Variants in ROBO1 observed in about 807,000 individuals in gnomAD.
The protein encoded by ROBO1 is roundabout guidance receptor 1, also known as roundabout homolog 1.
Under a neutral mutation model 195.9 loss-of-function variants are expected in ROBO1, and 149 were observed. The observed-to-expected ratio is 0.76, with a 90% CI of 0.67 to 0.87. The LOEUF (loss-of-function observed/expected upper bound fraction) is 0.87. ROBO1 is among the 40% of genes least tolerant of loss of function. The pLI, the probability that ROBO1 is intolerant of heterozygous loss-of-function variation, is 0.00. For missense variants in ROBO1, 1,933 were observed against 2,068.3 expected (o/e 0.93, Z 1.27); for synonymous variants, 816 against 733.2 (o/e 1.11, Z -1.82).
intron 3 of ROBO1, among the ~76,000 whole-genome samples, chr3:79,000,651 T>C (rs541308536): frequency 1.9e-4 from 29 of 152,208 alleles, no homozygotes; most frequent in Middle Eastern, 6.8e-3. Context: ...TGTGGAGAAA[T>C]AGGAACACTT....
intron 1 of ROBO1, among the ~76,000 whole-genome samples, chr3:79,603,689 C>T (rs1944403918): frequency 6.6e-6 from 1 of 151,926 alleles, no homozygotes; most frequent in Non-Finnish European, 1.5e-5. Context: ...GTAAATACAT[C>T]ATTTGTTTTG....
At chr3:78,806,034 A>G (rs2084527841) in intron 4 of ROBO1, among the ~76,000 whole-genome samples, 1 of 152,198 alleles carries the variant, frequency 6.6e-6, no homozygotes, top group Non-Finnish European at 1.5e-5. Context: ...ATCATACCTC[A>G]CTGTAAACTT....
intron 3 of ROBO1, among the ~76,000 whole-genome samples, chr3:79,068,561 C>T (rs1056825773): frequency 5.1e-4 from 77 of 151,916 alleles, no homozygotes; most frequent in African/African-American, 1.7e-3. Context: ...TTGCATATTT[C>T]AATCTATTTG....
At chr3:79,712,801 G>A (rs1411480453) in intron 1 of ROBO1, among the ~76,000 whole-genome samples, 2 of 152,080 alleles carry the variant, frequency 1.3e-5, no homozygotes, top group Admixed American at 1.3e-4. Flanking sequence ...TTAAGATGAA[G>A]CCAATGCTTA....
At chr3:79,650,771 T>C (rs1945981405) in intron 1 of ROBO1, among the ~76,000 whole-genome samples, 1 of 151,868 alleles carries the variant, frequency 6.6e-6, no homozygotes, top group South Asian at 2.1e-4. Context: ...GAAGCATACA[T>C]ATAGTGGCCT....
chr3:79,483,027 A>G (rs992424741), intron 2 of ROBO1, among the ~76,000 whole-genome samples: 8 of 152,112 alleles, frequency 5.3e-5, no homozygotes, highest in African/African-American at 1.7e-4. Context: ...TACATGGAGA[A>G]CTCTTTTGGA....
At chr3:79,078,588 G>T (rs1279833701) in intron 3 of ROBO1, among the ~76,000 whole-genome samples, 2 of 151,824 alleles carry the variant, frequency 1.3e-5, no homozygotes, top group African/African-American at 2.4e-5. Context: ...AATAGTTCTT[G>T]TAGTCAACAA....
At chr3:79,234,665 T>C (rs992809042) in intron 2 of ROBO1, among the ~76,000 whole-genome samples, 4 of 152,136 alleles carry the variant, frequency 2.6e-5, no homozygotes, top group Non-Finnish European at 4.4e-5. Flanking sequence ...ATCATGTTCT[T>C]TGCAGCAACA....
intron 2 of ROBO1, among the ~76,000 whole-genome samples, chr3:79,343,356 G>T (rs1447457600): frequency 3.3e-5 from 5 of 152,166 alleles, no homozygotes; most frequent in African/African-American, 1.2e-4. Flanking sequence ...ATACCGAGGA[G>T]TGTGGTTGCT....
At chr3:79,688,943 C>A (rs1947219270) in intron 1 of ROBO1, among the ~76,000 whole-genome samples, 1 of 151,976 alleles carries the variant, frequency 6.6e-6, no homozygotes, top group Non-Finnish European at 1.5e-5. Context: ...TTATATTATT[C>A]TTAAATTTCC....
At chr3:79,684,361 CTTT>C (rs1026996786) in intron 1 of ROBO1, among the ~76,000 whole-genome samples, 1 of 151,956 alleles carries the variant, frequency 6.6e-6, no homozygotes, top group Non-Finnish European at 1.5e-5. Context: ...AGTTATTTTG[CTTT>C]TTTGATTTCT....
chr3:78,793,756 T>G (rs567503012), intron 4 of ROBO1, among the ~76,000 whole-genome samples: 5 of 145,034 alleles, frequency 3.4e-5, no homozygotes, highest in East Asian at 2.0e-4. Context: ...AGATATTTAG[T>G]TTTTTTTTTT....
At chr3:79,679,891 C>A (rs1946892914) in intron 1 of ROBO1, among the ~76,000 whole-genome samples, 1 of 152,028 alleles carries the variant, frequency 6.6e-6, no homozygotes, top group Non-Finnish European at 1.5e-5. Context: ...TCAAGAGGAA[C>A]AGTGCTGGAT....
At chr3:78,699,493 C>T (rs950369615) in intron 8 of ROBO1, among the ~76,000 whole-genome samples, 5 of 150,650 alleles carry the variant, frequency 3.3e-5, no homozygotes, top group African/African-American at 7.3e-5. Context: ...TGCTTGAACC[C>T]GGGAGGTGGA....
chr3:78,776,503 G>A (rs570449478), intron 4 of ROBO1, among the ~76,000 whole-genome samples: 2 of 152,270 alleles, frequency 1.3e-5, no homozygotes, highest in East Asian at 3.9e-4. Context: ...ACCCACCTTG[G>A]CCTCCCAAAG....
At chr3:78,881,827 A>C (rs1292087375) in intron 4 of ROBO1, among the ~76,000 whole-genome samples, 1 of 152,240 alleles carries the variant, frequency 6.6e-6, no homozygotes, top group East Asian at 1.9e-4. Flanking sequence ...ATAAGATCAG[A>C]GTTATTCAAT....
At position 79,325,379 on chromosome 3, in the gene ROBO1, T is replaced by C. The variant is rs1484749643; in HGVS notation, c.89-199840A>G. ...TCAAAAAAGACAAGTGTCAGTACAC[T>C]CTGAGGAAAGTATGATGAACCATGT... On this transcript the variant is annotated intron_variant, in intron 2 of 30. Transcript: ENST00000464233. 3.3e-5 allele frequency among the ~76,000 whole-genome samples: 5 copies of C among 152,254 alleles called. 1 individual carries two copies. The South Asian group carries it at 8.3e-4, about 25-fold the overall frequency.
chr3:79,411,848 A>G (rs2037781641), intron 2 of ROBO1, among the ~76,000 whole-genome samples: 1 of 152,174 alleles, frequency 6.6e-6, no homozygotes, highest in Non-Finnish European at 1.5e-5. Context: ...AGCTACGCAG[A>G]CCCTGATGCA....
chr3:78,858,996 T>C (rs927264794), intron 4 of ROBO1, among the ~76,000 whole-genome samples: 4 of 152,174 alleles, frequency 2.6e-5, no homozygotes, highest in Non-Finnish European at 4.4e-5. Context: ...ACCTCCTTTT[T>C]TCTCAACGTG....
Sources: allele counts gnomAD v4.1 joint callset (sites outside exome capture counted in the v4.1 genomes callset), GRCh38; gene constraint gnomAD v4.1.1; transcripts MANE v1.5; gene names NCBI Gene and HGNC (gene_info 2026-07-23, HGNC 2026-07-21).